The following KHDRBS2 variants were observed in gnomAD, a reference collection of about 807,000 sequenced individuals.
KHDRBS2 encodes KH RNA binding domain containing, signal transduction associated 2, also known as KH domain-containing, RNA-binding, signal transduction-associated protein 2.
KHDRBS2 carries 26 observed loss-of-function variants against 44.3 expected under a neutral mutation model. That is an observed-to-expected ratio of 0.59 (90% CI 0.43 to 0.81). The LOEUF is 0.81. Among genes scored for constraint, KHDRBS2 ranks in the 40% least tolerant of loss-of-function variants. KHDRBS2 has a pLI of 0.00. For missense variants in KHDRBS2, 476 were observed against 433.1 expected (o/e 1.10, Z -0.88); for synonymous variants, 194 against 151.1 (o/e 1.28, Z -2.08).
intron 7 of KHDRBS2, among the ~76,000 whole-genome samples, chr6:61,724,831 G>A (rs1331870409): frequency 6.6e-6 from 1 of 152,152 alleles, no homozygotes; most frequent in South Asian, 2.1e-4. Context: ...AGACCTACAA[G>A]GAGACTTAGG....
At chr6:62,227,279 T>C (rs1479450157) in intron 1 of KHDRBS2, among the ~76,000 whole-genome samples, 1 of 152,128 alleles carries the variant, frequency 6.6e-6, no homozygotes, top group Non-Finnish European at 1.5e-5. Context: ...ATTCTCTTTG[T>C]AGCAATTGTG....
At chr6:62,138,852 T>C (rs1004754184) in intron 2 of KHDRBS2, among the ~76,000 whole-genome samples, 3 of 152,330 alleles carry the variant, frequency 2.0e-5, no homozygotes, top group Non-Finnish European at 1.5e-5. Flanking sequence ...CAAACCTGCA[T>C]CTTCAGTGTT....
At chr6:62,154,027 T>G (rs1243512934) in intron 2 of KHDRBS2, among the ~76,000 whole-genome samples, 1 of 152,190 alleles carries the variant, frequency 6.6e-6, no homozygotes, top group Non-Finnish European at 1.5e-5. Flanking sequence ...AAGCGTTTCT[T>G]TCTTTTATTA....
intron 2 of KHDRBS2, among the ~76,000 whole-genome samples, chr6:62,172,377 G>A (rs1820190058): frequency 6.6e-6 from 1 of 152,122 alleles, no homozygotes; most frequent in South Asian, 2.1e-4. Flanking sequence ...TCAACAAGAA[G>A]ACTTAATTAT....
chr6:61,879,681 A>G (rs1799937797), intron 6 of KHDRBS2, among the ~76,000 whole-genome samples: 1 of 151,940 alleles, frequency 6.6e-6, no homozygotes, highest in Admixed American at 6.6e-5. Flanking sequence ...ATCCTTTAAC[A>G]TACTAACATC....
At chr6:62,109,292 C>T (rs1372087711) in intron 2 of KHDRBS2, among the ~76,000 whole-genome samples, 1 of 151,842 alleles carries the variant, frequency 6.6e-6, no homozygotes, top group African/African-American at 2.4e-5. Context: ...TATCCAATAT[C>T]CATTCCTAAT....
the KHDRBS2 span, among the ~76,000 whole-genome samples, chr6:61,575,636 A>G: frequency 6.6e-5 from 10 of 152,216 alleles, no homozygotes; most frequent in Non-Finnish European, 1.5e-4. Flanking sequence ...AAGTCATTAT[A>G]TGAAAAAGGC....
At chr6:61,654,779 T>G in the KHDRBS2 span, among the ~76,000 whole-genome samples, 1 of 151,386 alleles carries the variant, frequency 6.6e-6, no homozygotes, top group Non-Finnish European at 1.5e-5. Context: ...CTTCTATAAA[T>G]AACACAGGAG....
intron 6 of KHDRBS2, among the ~76,000 whole-genome samples, chr6:61,890,108 C>T (rs1280653416): frequency 6.6e-6 from 1 of 152,072 alleles, no homozygotes; most frequent in Non-Finnish European, 1.5e-5. Context: ...CTGTCTCTTC[C>T]CACTAAAATA....
chr6:61,581,345 A>G, the KHDRBS2 span, among the ~76,000 whole-genome samples: 3 of 152,090 alleles, frequency 2.0e-5, no homozygotes, highest in African/African-American at 7.2e-5. Flanking sequence ...TTTACTTTTG[A>G]GTTATTTTAT....
In KHDRBS2 at chr6:61,955,483, T is replaced by C. The variant is rs1766773968; in HGVS notation, c.483+22583A>G. Among the ~76,000 whole-genome samples, 2 of 41,216 alleles carry C rather than the reference T, an allele frequency of 4.9e-5. 1 individual carries two copies. The highest frequency in any genetic ancestry group is 1.0e-4 in the Non-Finnish European group (2 of 19,718). The allele number at this position is 41,216 out of a possible 152,430, so 27.0% of individuals were successfully genotyped here. ...ACATATGTGTATATATACACATATGTATGTATGTATACATGTGTATATATA... is the reference window on the plus strand; with the variant it reads ...ACATATGTGTATATATACACATATGCATGTATGTATACATGTGTATATATA... On this transcript the variant is annotated intron_variant, in intron 4 of 8. Coordinates refer to ENST00000281156, the MANE Select transcript of KHDRBS2 (RefSeq NM_152688.4).
intron 1 of KHDRBS2, among the ~76,000 whole-genome samples, chr6:62,277,679 T>C (rs1841174831): frequency 1.3e-5 from 2 of 152,192 alleles, no homozygotes; most frequent in South Asian, 2.1e-4. Flanking sequence ...CAAGGGCATA[T>C]GTGATTGTGT....
intron 7 of KHDRBS2, among the ~76,000 whole-genome samples, chr6:61,722,162 G>C (rs1197724337): frequency 6.6e-6 from 1 of 152,138 alleles, no homozygotes; most frequent in Non-Finnish European, 1.5e-5. Flanking sequence ...TTTTTGATGT[G>C]CTGCTGGATT....
chr6:61,956,674 T>C (rs1018959851), intron 4 of KHDRBS2, among the ~76,000 whole-genome samples: 2 of 152,104 alleles, frequency 1.3e-5, no homozygotes, highest in Non-Finnish European at 2.9e-5. Flanking sequence ...TTCTCCATTC[T>C]CTGCACACCC....
chr6:61,689,052 T>TTAATC (rs1332843110), intron 8 of KHDRBS2, among the ~76,000 whole-genome samples: 1 of 151,934 alleles, frequency 6.6e-6, no homozygotes, highest in Non-Finnish European at 1.5e-5. Flanking sequence ...TTGATATGAT[T>TTAATC]TAATCTATCA....
intron 6 of KHDRBS2, among the ~76,000 whole-genome samples, chr6:61,782,884 T>G (rs1192877971): frequency 6.6e-6 from 1 of 151,760 alleles, no homozygotes; most frequent in Non-Finnish European, 1.5e-5. Context: ...AGATGGCTAC[T>G]CAGGCCATAT....
At chr6:62,165,541 AAATC>A (rs1818506786) in intron 2 of KHDRBS2, among the ~76,000 whole-genome samples, 1 of 151,956 alleles carries the variant, frequency 6.6e-6, no homozygotes, top group South Asian at 2.1e-4. Flanking sequence ...TTTAAAAACT[AAATC>A]AATCTTGCAT....
At chr6:62,025,566 C>G (rs1783151221) in intron 3 of KHDRBS2, among the ~76,000 whole-genome samples, 1 of 151,578 alleles carries the variant, frequency 6.6e-6, no homozygotes, top group Non-Finnish European at 1.5e-5. Context: ...ATACCATTAT[C>G]ACACATAATA....
intron 6 of KHDRBS2, among the ~76,000 whole-genome samples, chr6:61,742,750 G>T (rs1776321719): frequency 6.6e-6 from 1 of 151,992 alleles, no homozygotes; most frequent in Non-Finnish European, 1.5e-5. Flanking sequence ...CATCCTCAGT[G>T]AGGTCATTAA....
Sources: gnomAD v4.1 joint callset for allele counts (sites outside exome capture counted in the v4.1 genomes callset) on GRCh38, gnomAD v4.1.1 for gene constraint, MANE v1.5 for transcripts, NCBI Gene and HGNC (gene_info 2026-07-23, HGNC 2026-07-21) for gene names.